ANK2: variants seen among roughly 807,000 people sequenced by gnomAD.
ANK2 encodes the protein ankyrin-2.
In ANK2, 83 loss-of-function variants were observed where a neutral mutation model predicts 360.5. The ratio of observed to expected loss-of-function variants is 0.23; its 90% CI spans 0.19 to 0.28. ANK2 has a LOEUF of 0.28. Ranked by LOEUF, ANK2 falls within the 10% of genes least tolerant of loss-of-function variation. The pLI is 1.00. For missense variants in ANK2, 4,201 were observed against 4,795.7 expected (o/e 0.88, Z 3.66); for synonymous variants, 1,740 against 1,759.5 (o/e 0.99, Z 0.28).
At chr4:112,995,032 G>A (rs974070751) in intron 2 of ANK2, among the ~76,000 whole-genome samples, 1 of 152,148 alleles carries the variant, frequency 6.6e-6, no homozygotes, top group Admixed American at 6.6e-5. Context: ...TTGATTCCAG[G>A]TCTTTGCTAT....
At chr4:112,732,220 C>A in the ANK2 span, among the ~76,000 whole-genome samples, 1 of 150,232 alleles carries the variant, frequency 6.7e-6, no homozygotes, top group African/African-American at 2.5e-5. Flanking sequence ...TCCTATTTTA[C>A]AGATGTGGGA....
intron 1 of ANK2, among the ~76,000 whole-genome samples, chr4:112,900,651 A>C (rs1232796644): frequency 6.6e-6 from 1 of 152,180 alleles, no homozygotes; most frequent in East Asian, 1.9e-4. Flanking sequence ...TATTAACCCA[A>C]CTTAACACTT....
intron 24 of ANK2, 44 bp from the exon 25 acceptor site, chr4:113,317,663 C>G (rs1372525188): frequency 6.8e-7 from 1 of 1,463,206 alleles, no homozygotes; most frequent in Non-Finnish European, 9.6e-7. Context: ...CCCAACCCTG[C>G]TACTGCTGTT....
the ANK2 span, among the ~76,000 whole-genome samples, chr4:112,770,838 C>T: frequency 6.6e-6 from 1 of 152,194 alleles, no homozygotes; most frequent in African/African-American, 2.4e-5. Flanking sequence ...TTCTTACTTT[C>T]CCGCCCCATA....
chr4:112,983,599 T>C (rs986991180), intron 2 of ANK2, among the ~76,000 whole-genome samples: 2 of 151,854 alleles, frequency 1.3e-5, no homozygotes, highest in Non-Finnish European at 2.9e-5. Flanking sequence ...TGCTTGAACC[T>C]GGGAGGCAGA....
At chr4:113,066,339 G>T (rs2075610707) in intron 1 of ANK2, among the ~76,000 whole-genome samples, 1 of 152,160 alleles carries the variant, frequency 6.6e-6, no homozygotes, top group Non-Finnish European at 1.5e-5. Flanking sequence ...TACTGGTGGG[G>T]TGCCTTTTAT....
intron 1 of ANK2, among the ~76,000 whole-genome samples, chr4:112,829,543 A>G (rs2059250896): frequency 6.6e-6 from 1 of 151,656 alleles, no homozygotes; most frequent in African/African-American, 2.4e-5. Context: ...ACACTTCTCA[A>G]AAGAAGACAC....
At chr4:113,208,453 G>A (rs2098980688) in intron 4 of ANK2, among the ~76,000 whole-genome samples, 1 of 151,914 alleles carries the variant, frequency 6.6e-6, no homozygotes, top group African/African-American at 2.4e-5. Context: ...AGATGGTAAT[G>A]CAACACTATA....
chr4:112,730,060 C>G, the ANK2 span, among the ~76,000 whole-genome samples: 8 of 151,998 alleles, frequency 5.3e-5, no homozygotes, highest in South Asian at 1.7e-3. Context: ...GAAGACTAAG[C>G]CTGGCCAATA....
intron 11 of ANK2, 36 bp from the exon 12 acceptor site, chr4:113,258,014 G>C (rs2050460818): frequency 6.4e-7 from 1 of 1,558,660 alleles, no homozygotes; most frequent in Non-Finnish European, 8.9e-7. Context: ...AATTGTTTCT[G>C]CATGTTTTCA....
intron 2 of ANK2, among the ~76,000 whole-genome samples, chr4:113,184,067 G>GATGCATACTC (rs765916200): frequency 0.034 from 5,155 of 149,496 alleles, 142 homozygotes; most frequent in Non-Finnish European, 0.054. Flanking sequence ...CTACTCAAGT[G>GATGCATACTC]AAGTATGCAT....
intron 28 of ANK2, 112 bp downstream of exon 28, chr4:113,332,182 A>G: frequency 1.0e-6 from 1 of 982,892 alleles, no homozygotes; most frequent in Non-Finnish European, 1.6e-6. Context: ...CCTTTCTATG[A>G]TTTAAATTCT....
Position 113,308,856 on chromosome 4 carries a change from TA to T in ANK2, c.2549-2398del, listed in dbSNP as rs530903583. ...GAGAGAAGGTTGAAGATGAAGGGCCTAGCAGACAATGTATCTAGGAAGTTGG... is the reference window on the plus strand; with the variant it reads ...GAGAGAAGGTTGAAGATGAAGGGCCTGCAGACAATGTATCTAGGAAGTTGG... On this transcript the variant is annotated intron_variant, in intron 23 of 45. Coordinates refer to ENST00000357077, the MANE Select transcript of ANK2 (RefSeq NM_001148.6). Among the ~76,000 whole-genome samples, 228 of 152,042 alleles carry T rather than the reference TA, an allele frequency of 1.5e-3. 1 individual carries two copies. The highest frequency in any genetic ancestry group is 5.2e-3 in the African/African-American group (217 of 41,538).
Position 113,357,043 on chromosome 4 carries a change from A to G in ANK2, c.8425A>G (p.Lys2809Glu), listed in dbSNP as rs2095832134. 1.2e-6 allele frequency: 2 copies of G among 1,613,972 alleles called. No homozygotes were observed. The highest frequency in any genetic ancestry group is 2.2e-5 in the East Asian group (1 of 44,870). The change falls in exon 38 of 46, where the codon AAA (lysine) becomes GAA (glutamate). Residue 2809 changes from lysine to glutamate, a missense_variant. Lys to Glu is a moderately conservative substitution (Grantham distance 56). Coordinates refer to ENST00000357077, the MANE Select transcript of ANK2 (RefSeq NM_001148.6). Reference sequence around the variant, plus strand: ...TGTTGATGAACAGCCAGTCATCTATAAAGAATCATTAGCTCTCCAAGGCAC... The same window carrying G: ...TGTTGATGAACAGCCAGTCATCTATGAAGAATCATTAGCTCTCCAAGGCAC... The part of the protein sequence containing the change: ...DDVDEQPVIY[K>E]ESLALQGTHE...
intron 4 of ANK2, among the ~76,000 whole-genome samples, chr4:113,208,814 G>A (rs753666628): frequency 6.6e-6 from 1 of 151,866 alleles, no homozygotes; most frequent in Non-Finnish European, 1.5e-5. Flanking sequence ...TTTGTTTTTG[G>A]TTTTGGTGAG....
At chr4:112,790,740 G>T in the ANK2 span, among the ~76,000 whole-genome samples, 1 of 152,168 alleles carries the variant, frequency 6.6e-6, no homozygotes, top group Admixed American at 6.5e-5. Context: ...ACCCACCTCG[G>T]CCTCCCAAAG....
chr4:113,346,288 A>C (rs548855945), intron 35 of ANK2, among the ~76,000 whole-genome samples: 3 of 152,302 alleles, frequency 2.0e-5, no homozygotes, highest in Admixed American at 6.5e-5. Flanking sequence ...CTATTAATAC[A>C]CATTGGGCAT....
rs1261211403 is a variant in ANK2 at position 113,188,425 on chromosome 4, A to G, written c.187-7943A>G. ...ATTATTAGGTTCTATTTACAAACCA[A>G]CTCTTAAGACAACATTTCTTCTACT... is the stretch of plus-strand genomic sequence containing the variant. On this transcript the variant is annotated intron_variant, in intron 2 of 45. Transcript: ENST00000357077. 2.6e-5 allele frequency among the ~76,000 whole-genome samples: 4 copies of G among 152,116 alleles called. 1 individual carries two copies. The highest frequency in any genetic ancestry group is 5.9e-5 in the Non-Finnish European group (4 of 67,998).
chr4:112,827,490 CA>C, intron 1 of ANK2: 1 of 1,326,610 alleles, frequency 7.5e-7, no homozygotes, highest in Non-Finnish European at 1.1e-6. Context: ...TGACAGTCAC[CA>C]AACAGTTGCT....
Sources: allele counts gnomAD v4.1 joint callset (sites outside exome capture counted in the v4.1 genomes callset), GRCh38; gene constraint gnomAD v4.1.1; transcripts MANE v1.5; gene names NCBI Gene and HGNC (gene_info 2026-07-23, HGNC 2026-07-21).